The following DPH6 variants were observed in gnomAD, a reference collection of about 807,000 sequenced individuals.
DPH6 encodes the protein diphthamine biosynthesis 6.
A neutral mutation model predicts 38.2 loss-of-function variants in DPH6; 33 were observed. The observed-to-expected ratio is 0.86, with a 90% CI of 0.65 to 1.15. The LOEUF (loss-of-function observed/expected upper bound fraction) is 1.15. Among genes scored for constraint, DPH6 ranks in the 50% most tolerant of loss-of-function variants. The pLI, the probability that DPH6 is intolerant of heterozygous loss-of-function variation, is 0.00. For missense variants in DPH6, 325 were observed against 320.0 expected (o/e 1.02, Z -0.12); for synonymous variants, 108 against 103.0 (o/e 1.05, Z -0.30).
intron 3 of DPH6, among the ~76,000 whole-genome samples, chr15:35,495,904 C>A (rs1415401877): frequency 6.6e-6 from 1 of 152,160 alleles, no homozygotes; most frequent in Non-Finnish European, 1.5e-5. Flanking sequence ...CAGATCCACA[C>A]ATATATAGTA....
At chr15:35,338,874 C>T (rs1032473718) in intron 3 of DPH6, among the ~76,000 whole-genome samples, 2 of 152,154 alleles carry the variant, frequency 1.3e-5, no homozygotes, top group African/African-American at 2.4e-5. Context: ...GAGTTCATGT[C>T]CTTTGTAGGG....
chr15:35,226,916 T>C (rs1020847759), intron 3 of DPH6, among the ~76,000 whole-genome samples: 3 of 152,162 alleles, frequency 2.0e-5, no homozygotes, highest in African/African-American at 7.2e-5. Flanking sequence ...TCTTTAAATG[T>C]TTGGTAGAAA....
intron 3 of DPH6, among the ~76,000 whole-genome samples, chr15:35,249,227 T>C (rs1283041047): frequency 6.6e-6 from 1 of 152,154 alleles, no homozygotes; most frequent in Non-Finnish European, 1.5e-5. Context: ...GGAGAAAGCA[T>C]CCTCTTGTGA....
At chr15:35,397,901 ACACACACACACAC>A (rs1217936644) in intron 6 of DPH6, among the ~76,000 whole-genome samples, 1 of 151,774 alleles carries the variant, frequency 6.6e-6, no homozygotes, top group Non-Finnish European at 1.5e-5. Flanking sequence ...ACACACACAC[ACACACACACACAC>A]AAGATTCTGA....
intron 6 of DPH6, among the ~76,000 whole-genome samples, chr15:35,408,076 G>C (rs2053318317): frequency 1.3e-5 from 2 of 151,920 alleles, no homozygotes; most frequent in South Asian, 2.1e-4. Flanking sequence ...ATTATGGTAT[G>C]GTGGTAGTAG....
intron 3 of DPH6, among the ~76,000 whole-genome samples, chr15:35,530,636 G>A (rs553063137): frequency 1.3e-5 from 2 of 152,188 alleles, no homozygotes; most frequent in Non-Finnish European, 2.9e-5. Context: ...GAGACAGAAT[G>A]ATGATTTTGC....
chr15:35,476,309 G>T (rs1000017630), intron 3 of DPH6, among the ~76,000 whole-genome samples: 3 of 151,708 alleles, frequency 2.0e-5, no homozygotes, highest in Admixed American at 1.3e-4. Flanking sequence ...CCAAAACTGA[G>T]CTCTTGGAAT....
At chr15:35,473,943 TGTGTGTGTGTGTGTGCGCGC>T (rs1188219980) in intron 3 of DPH6, among the ~76,000 whole-genome samples, 6 of 106,758 alleles carry the variant, frequency 5.6e-5, no homozygotes, top group African/African-American at 2.2e-4. Flanking sequence ...TGTGTGTGTG[TGTGTGTGTGTGTGTGCGCGC>T]GCGCGCGTGA....
the DPH6 span, among the ~76,000 whole-genome samples, chr15:35,183,670 C>T: frequency 2.6e-5 from 4 of 151,226 alleles, no homozygotes; most frequent in Admixed American, 1.3e-4. Flanking sequence ...CATTCAGTAG[C>T]ATGATTGTTA....
chr15:35,159,973 C>G, the DPH6 span, among the ~76,000 whole-genome samples: 1 of 152,020 alleles, frequency 6.6e-6, no homozygotes, highest in South Asian at 2.1e-4. Flanking sequence ...ACTGCATGTT[C>G]TCACTTATAA....
chr15:35,285,383 C>T (rs932607739), intron 3 of DPH6, among the ~76,000 whole-genome samples: 2 of 152,118 alleles, frequency 1.3e-5, no homozygotes, highest in Non-Finnish European at 2.9e-5. Context: ...CTTTCTCATG[C>T]TATTCCCATG....
intron 3 of DPH6, among the ~76,000 whole-genome samples, chr15:35,323,672 A>G (rs1165605195): frequency 6.6e-6 from 1 of 152,164 alleles, no homozygotes; most frequent in Non-Finnish European, 1.5e-5. Context: ...AAAAGTAAGG[A>G]TTAATGTTCT....
At chr15:35,285,630 C>A (rs2051935778) in intron 3 of DPH6, among the ~76,000 whole-genome samples, 1 of 151,870 alleles carries the variant, frequency 6.6e-6, no homozygotes, top group Admixed American at 6.6e-5. Context: ...GAATAACACA[C>A]CATTTTTCTC....
chr15:35,499,169 A>G (rs2054594041), intron 3 of DPH6, among the ~76,000 whole-genome samples: 1 of 152,022 alleles, frequency 6.6e-6, no homozygotes, highest in Non-Finnish European at 1.5e-5. Context: ...AGAACACCAG[A>G]TATTAAATAA....
intron 3 of DPH6, among the ~76,000 whole-genome samples, chr15:35,343,465 T>C (rs1177656530): frequency 1.3e-5 from 2 of 152,020 alleles, no homozygotes; most frequent in Admixed American, 6.6e-5. Flanking sequence ...TAGTTACATA[T>C]ACACACAAAG....
chr15:35,288,206 C>T (rs1475622406), intron 3 of DPH6, among the ~76,000 whole-genome samples: 1 of 152,156 alleles, frequency 6.6e-6, no homozygotes, highest in Non-Finnish European at 1.5e-5. Flanking sequence ...AAAACCTTCC[C>T]TAATGTAGCT....
At chr15:35,383,193 C>T (rs915070338) in intron 6 of DPH6, among the ~76,000 whole-genome samples, 40 of 152,272 alleles carry the variant, frequency 2.6e-4, no homozygotes, top group African/African-American at 9.1e-4. Context: ...AGAATAACTA[C>T]ATTTTTAAAT....
chr15:35,195,250 A>C, the DPH6 span, among the ~76,000 whole-genome samples: 5 of 152,166 alleles, frequency 3.3e-5, no homozygotes, highest in African/African-American at 1.2e-4. Flanking sequence ...ACAGGATTTC[A>C]TTTTTTTATA....
intron 6 of DPH6, among the ~76,000 whole-genome samples, chr15:35,407,821 G>A (rs1035005666): frequency 1.3e-5 from 2 of 151,960 alleles, no homozygotes; most frequent in Non-Finnish European, 2.9e-5. Flanking sequence ...GGTAGAAGAT[G>A]AGCCTGAAAA....
Sources: allele counts gnomAD v4.1 joint callset (sites outside exome capture counted in the v4.1 genomes callset), GRCh38; gene constraint gnomAD v4.1.1; transcripts MANE v1.5; gene names NCBI Gene and HGNC (gene_info 2026-07-23, HGNC 2026-07-21).